CDH12: variants seen among roughly 807,000 people sequenced by gnomAD.
The protein encoded by CDH12 is cadherin-12.
In CDH12, 41 loss-of-function variants were observed where a neutral mutation model predicts 74.1. That is an observed-to-expected ratio of 0.55 (90% confidence interval 0.43 to 0.72). The LOEUF (loss-of-function observed/expected upper bound fraction) is 0.72. CDH12 is among the 30% of genes least tolerant of loss of function. The pLI is 0.00. For synonymous variants in CDH12, 399 were observed against 355.0 expected (o/e 1.12, Z -1.39); for missense variants, 945 against 977.2 (o/e 0.97, Z 0.44).
At chr5:22,104,617 C>G (rs1744325012) in intron 4 of CDH12, among the ~76,000 whole-genome samples, 2 of 152,122 alleles carry the variant, frequency 1.3e-5, no homozygotes, top group South Asian at 2.1e-4. Flanking sequence ...ATTAGAAATA[C>G]TGGCTGATGT....
At chr5:22,324,982 T>A (rs1739026261) in intron 3 of CDH12, among the ~76,000 whole-genome samples, 1 of 152,172 alleles carries the variant, frequency 6.6e-6, no homozygotes, top group African/African-American at 2.4e-5. Flanking sequence ...ACCCTATACC[T>A]ATAGAATGCC....
chr5:22,460,040 A>G (rs1003488072), intron 2 of CDH12, among the ~76,000 whole-genome samples: 1 of 152,190 alleles, frequency 6.6e-6, no homozygotes, highest in Non-Finnish European at 1.5e-5. Flanking sequence ...TAAATTAATA[A>G]GTGAATGGCT....
chr5:21,893,539 G>T (rs1752986477), intron 6 of CDH12, among the ~76,000 whole-genome samples: 3 of 152,134 alleles, frequency 2.0e-5, no homozygotes, highest in Non-Finnish European at 4.4e-5. Flanking sequence ...CAAAGCCTTA[G>T]AATTTTTAGT....
chr5:22,842,210 A>G (rs933708565), intron 1 of CDH12, among the ~76,000 whole-genome samples: 1 of 152,172 alleles, frequency 6.6e-6, no homozygotes, highest in African/African-American at 2.4e-5. Context: ...CTTCTTTTAA[A>G]ATGCAAACAC....
At chr5:22,668,941 T>G (rs1020264579) in intron 1 of CDH12, among the ~76,000 whole-genome samples, 1 of 152,082 alleles carries the variant, frequency 6.6e-6, no homozygotes, top group African/African-American at 2.4e-5. Flanking sequence ...TCTTATAGTT[T>G]GATTTTGTAT....
chr5:22,652,271 A>G (rs147726765), intron 1 of CDH12, among the ~76,000 whole-genome samples: 52 of 152,270 alleles, frequency 3.4e-4, no homozygotes, highest in African/African-American at 1.2e-3. Flanking sequence ...ACATATGACC[A>G]CAGAGCACAA....
At chr5:22,315,119 C>CTTTTTTTT (rs70959715) in intron 3 of CDH12, among the ~76,000 whole-genome samples, 549 of 22,994 alleles carry the variant, frequency 0.024, 167 homozygotes, top group African/African-American at 0.12. Flanking sequence ...GCCTGCCTGG[C>CTTTTTTTT]TTTTTTTTTT....
At chr5:22,765,847 A>G (rs1414409751) in intron 1 of CDH12, among the ~76,000 whole-genome samples, 1 of 151,926 alleles carries the variant, frequency 6.6e-6, no homozygotes, top group African/African-American at 2.4e-5. Flanking sequence ...CAAAACATTA[A>G]GTAATACTCA....
chr5:21,754,586 C>T (rs1005953330), intron 14 of CDH12, among the ~76,000 whole-genome samples: 2 of 152,166 alleles, frequency 1.3e-5, no homozygotes, highest in African/African-American at 4.8e-5. Flanking sequence ...TCTACGTCAG[C>T]ATGAACTTCT....
intron 5 of CDH12, among the ~76,000 whole-genome samples, chr5:22,058,037 CT>C (rs1385512034): frequency 1.2e-4 from 18 of 148,106 alleles, no homozygotes; most frequent in African/African-American, 4.4e-4. Flanking sequence ...ATCTATCTAT[CT>C]ATCTATCATC....
intron 1 of CDH12, among the ~76,000 whole-genome samples, chr5:22,660,873 T>C (rs1740311993): frequency 6.6e-6 from 1 of 152,208 alleles, no homozygotes. Flanking sequence ...AAATATAATA[T>C]TGATGTAGTA....
chr5:22,371,034 T>C (rs1444127), intron 3 of CDH12, among the ~76,000 whole-genome samples: 111,500 of 152,010 alleles, frequency 0.73, 42,077 homozygotes, highest in Non-Finnish European at 0.82. Flanking sequence ...AGAATAGCAG[T>C]CTGTAATATA....
chr5:22,061,392 A>G (rs988068072), intron 5 of CDH12, among the ~76,000 whole-genome samples: 3 of 152,146 alleles, frequency 2.0e-5, no homozygotes, highest in Admixed American at 6.6e-5. Flanking sequence ...TTTCTCTCAT[A>G]TATGAGCTAC....
chr5:22,059,014 T>C (rs1295025505), intron 5 of CDH12, among the ~76,000 whole-genome samples: 2 of 152,142 alleles, frequency 1.3e-5, no homozygotes, highest in Non-Finnish European at 2.9e-5. Context: ...ACTACACGAG[T>C]ACAGCTGTAG....
chr5:22,315,387 T>G (rs1052187856), intron 3 of CDH12, among the ~76,000 whole-genome samples: 1 of 152,046 alleles, frequency 6.6e-6, no homozygotes, highest in African/African-American at 2.4e-5. Flanking sequence ...GATGAGTTTA[T>G]TTTTATATGA....
At chr5:22,026,000 C>T (rs1056446072) in intron 5 of CDH12, among the ~76,000 whole-genome samples, 3 of 151,842 alleles carry the variant, frequency 2.0e-5, no homozygotes, top group Non-Finnish European at 4.4e-5. Flanking sequence ...TTCAACCACT[C>T]AGTCATCTGT....
At chr5:22,762,523 G>A (rs1205257931) in intron 1 of CDH12, among the ~76,000 whole-genome samples, 2 of 152,116 alleles carry the variant, frequency 1.3e-5, no homozygotes, top group South Asian at 2.1e-4. Flanking sequence ...GAATGGGGCA[G>A]AAAGTTATGT....
chr5:22,515,724 C>T (rs1429875318), intron 1 of CDH12, among the ~76,000 whole-genome samples: 2 of 151,916 alleles, frequency 1.3e-5, no homozygotes, highest in African/African-American at 4.8e-5. Flanking sequence ...ATTTTTATAT[C>T]CCTACCTCAC....
At chr5:22,045,107 T>A (rs957335996) in intron 5 of CDH12, among the ~76,000 whole-genome samples, 7 of 152,184 alleles carry the variant, frequency 4.6e-5, no homozygotes, top group African/African-American at 1.7e-4. Flanking sequence ...AACCAACTAA[T>A]ATTCCAATTA....
Sources: allele counts gnomAD v4.1 joint callset (sites outside exome capture counted in the v4.1 genomes callset), GRCh38; gene constraint gnomAD v4.1.1; transcripts MANE v1.5; gene names NCBI Gene and HGNC (gene_info 2026-07-23, HGNC 2026-07-21).